The following EIF4G3 variants were observed in gnomAD, a reference collection of about 807,000 sequenced individuals.
The protein encoded by EIF4G3 is eukaryotic translation initiation factor 4 gamma 3, also known as eIF-4-gamma 3.
In EIF4G3, 34 loss-of-function variants were observed where a neutral mutation model predicts 186.4. The ratio of observed to expected loss-of-function variants is 0.18; its 90% CI spans 0.14 to 0.24. The LOEUF is 0.24. Among genes scored for constraint, EIF4G3 ranks in the 10% least tolerant of loss-of-function variants. EIF4G3 has a pLI of 1.00. For synonymous variants in EIF4G3, 673 were observed against 679.5 expected (o/e 0.99, Z 0.15); for missense variants, 1,536 against 1,948.5 (o/e 0.79, Z 3.99).
chr1:20,824,510 C>T (rs1021177851), intron 33 of EIF4G3, among the ~76,000 whole-genome samples: 1 of 151,986 alleles, frequency 6.6e-6, no homozygotes, highest in African/African-American at 2.4e-5. Context: ...TTTTCTTGAT[C>T]TAATTTGTTT....
At chr1:21,058,849 A>C (rs1214482093) in intron 3 of EIF4G3, among the ~76,000 whole-genome samples, 1 of 147,946 alleles carries the variant, frequency 6.8e-6, no homozygotes, top group Non-Finnish European at 1.5e-5. Flanking sequence ...GATTATAGGT[A>C]TGAGCCACCA....
chr1:21,031,183 C>CAA (rs35916269), intron 4 of EIF4G3, among the ~76,000 whole-genome samples: 91 of 143,074 alleles, frequency 6.4e-4, no homozygotes, highest in Non-Finnish European at 1.1e-3. Flanking sequence ...GAGACTGTCT[C>CAA]AAAAAAAAAA....
chr1:21,071,571 C>T (rs1157273617), intron 3 of EIF4G3, among the ~76,000 whole-genome samples: 2 of 152,182 alleles, frequency 1.3e-5, no homozygotes, highest in East Asian at 3.8e-4. Context: ...CGGTGGCTCA[C>T]GCCTGTGATC....
In EIF4G3 at chr1:20,849,046, C is replaced by CAAAAA. The variant is rs60344352; in HGVS notation, c.3888+364_3888+368dup. On this transcript the variant is annotated intron_variant, in intron 29 of 36. Transcript: ENST00000602326. Reference sequence around the variant, plus strand: ...TGGGCAACACAGCAAGACTCTGTCTCAAAAAAAAAAAAAAAAAAAAAAAAA... The same window carrying CAAAAA: ...TGGGCAACACAGCAAGACTCTGTCTCAAAAAAAAAAAAAAAAAAAAAAAAAAAAAA... Among the ~76,000 whole-genome samples the CAAAAA allele has an allele frequency of 5.9e-3, 103 of 17,394 alleles. 14 individuals carry two copies. Among genetic ancestry groups the CAAAAA allele is most frequent in the African/African-American group, 0.015 (96 of 6,286 alleles). The allele number at this position is 17,394 out of a possible 152,430, so 11.4% of individuals were successfully genotyped here.
At chr1:20,835,516 A>C (rs1251487229) in intron 30 of EIF4G3, among the ~76,000 whole-genome samples, 1 of 152,200 alleles carries the variant, frequency 6.6e-6, no homozygotes, top group East Asian at 1.9e-4. Context: ...AAGACTCAAA[A>C]TAAGAAATGA....
intron 2 of EIF4G3, among the ~76,000 whole-genome samples, chr1:21,089,683 G>A (rs2096117528): frequency 6.6e-6 from 1 of 151,698 alleles, no homozygotes; most frequent in African/African-American, 2.4e-5. Context: ...TCTCCGGGAG[G>A]CTGAGGTGGT....
At chr1:20,888,587 C>T (rs537362208) in intron 18 of EIF4G3, among the ~76,000 whole-genome samples, 9 of 152,112 alleles carry the variant, frequency 5.9e-5, no homozygotes, top group Non-Finnish European at 1.0e-4. Context: ...GAATCAGAAT[C>T]TAGAGTCCAA....
intron 2 of EIF4G3, among the ~76,000 whole-genome samples, chr1:21,149,410 T>C (rs2097514954): frequency 6.6e-6 from 1 of 152,026 alleles, no homozygotes; most frequent in African/African-American, 2.4e-5. Flanking sequence ...CTTTTCTGTT[T>C]CTCAAGCAAA....
chr1:21,076,848 A>G (rs78374731), intron 3 of EIF4G3, among the ~76,000 whole-genome samples: 4,517 of 152,274 alleles, frequency 0.03, 237 homozygotes, highest in African/African-American at 0.1. Context: ...AATACAAGAA[A>G]ACACCAAGGA....
At chr1:20,881,819 T>A (rs1280310516) in intron 19 of EIF4G3, among the ~76,000 whole-genome samples, 1 of 149,648 alleles carries the variant, frequency 6.7e-6, no homozygotes, top group Non-Finnish European at 1.5e-5. Flanking sequence ...TAAAATAAAA[T>A]AAAATAAAAT....
intron 3 of EIF4G3, among the ~76,000 whole-genome samples, chr1:21,063,669 A>T (rs1356663555): frequency 8.1e-6 from 1 of 123,874 alleles, no homozygotes; most frequent in Non-Finnish European, 1.6e-5. Flanking sequence ...TTTGTTAACA[A>T]CATCACGGAT....
intron 7 of EIF4G3, among the ~76,000 whole-genome samples, chr1:20,989,142 C>T (rs2080387933): frequency 7.2e-6 from 1 of 139,260 alleles, no homozygotes; most frequent in Non-Finnish European, 1.5e-5. Flanking sequence ...AAAATATCAA[C>T]ATTCACAAGC....
intron 2 of EIF4G3, among the ~76,000 whole-genome samples, chr1:21,120,524 C>G (rs1420244453): frequency 6.7e-6 from 1 of 148,388 alleles, no homozygotes; most frequent in Non-Finnish European, 1.5e-5. Context: ...GCTACTTGAG[C>G]AGAAGGCAGG....
At chr1:20,848,085 G>A in intron 29 of EIF4G3, 1 of 319,148 alleles carries the variant, frequency 3.1e-6, no homozygotes, top group Non-Finnish European at 6.1e-6. Context: ...TCCCATCTCA[G>A]CCTCCTGAGT....
At chr1:21,113,084 G>T (rs1015087397) in intron 2 of EIF4G3, among the ~76,000 whole-genome samples, 1 of 138,954 alleles carries the variant, frequency 7.2e-6, no homozygotes, top group East Asian at 2.2e-4. Flanking sequence ...CCCAGGAGTC[G>T]AAGCTGCAGT....
chr1:21,113,923 G>C (rs1359568497), intron 2 of EIF4G3, among the ~76,000 whole-genome samples: 3 of 152,106 alleles, frequency 2.0e-5, no homozygotes, highest in African/African-American at 7.2e-5. Flanking sequence ...GGTTGAAGTG[G>C]CAAGAATACC....
chr1:20,876,393 G>A (rs1467376624), intron 20 of EIF4G3, among the ~76,000 whole-genome samples: 1 of 143,532 alleles, frequency 7.0e-6, no homozygotes, highest in Non-Finnish European at 1.5e-5. Flanking sequence ...AAAAGTATGA[G>A]TAAAATCTAT....
chr1:20,849,262 C>T (rs2072432626), intron 29 of EIF4G3, among the ~76,000 whole-genome samples, 153 bp downstream of exon 29: 1 of 152,010 alleles, frequency 6.6e-6, no homozygotes, highest in African/African-American at 2.4e-5. Flanking sequence ...GGCAGAAATG[C>T]ATCAGCGTTA....
intron 14 of EIF4G3, among the ~76,000 whole-genome samples, chr1:20,922,515 T>C (rs1312986074): frequency 6.6e-6 from 1 of 152,206 alleles, no homozygotes; most frequent in Non-Finnish European, 1.5e-5. Flanking sequence ...CAGGCTGGTC[T>C]CAAACTCCCA....
Sources: allele counts gnomAD v4.1 joint callset (sites outside exome capture counted in the v4.1 genomes callset), GRCh38; gene constraint gnomAD v4.1.1; transcripts MANE v1.5; gene names NCBI Gene and HGNC (gene_info 2026-07-23, HGNC 2026-07-21).